The following CACNA1I variants were observed in gnomAD, a reference collection of about 807,000 sequenced individuals.
The protein encoded by CACNA1I is calcium voltage-gated channel subunit alpha1 I.
CACNA1I carries 74 observed loss-of-function variants against 201.6 expected under a neutral mutation model. The observed-to-expected ratio is 0.37, with a 90% CI of 0.30 to 0.45. The LOEUF (loss-of-function observed/expected upper bound fraction) is 0.45, where lower values mean the gene tolerates loss of function less well. CACNA1I is among the 20% of genes least tolerant of loss of function. CACNA1I has a pLI of 1.00. For missense variants in CACNA1I, 2,346 were observed against 3,138.1 expected (o/e 0.75, Z 6.03); for synonymous variants, 1,431 against 1,345.2 (o/e 1.06, Z -1.40).
At chr22:39,594,861 C>A (rs1932862088) in intron 1 of CACNA1I, among the ~76,000 whole-genome samples, 1 of 152,116 alleles carries the variant, frequency 6.6e-6, no homozygotes, top group African/African-American at 2.4e-5. Context: ...ATTCCAAGAC[C>A]CCCAGTGGAT....
At position 39,685,050 on chromosome 22, in the gene CACNA1I, G is replaced by T; in HGVS notation, c.6027+552G>T. ...GGGGTGGGGAAATGGGGCCGGGCCG[G>T]CTCCCACAGTGAGTGCAGTTGATTC... is the stretch of plus-strand genomic sequence containing the variant. On this transcript the variant is annotated intron_variant, in intron 36 of 36. Transcript: ENST00000402142. The surrounding 1 kb of genome is among the most constrained non-coding windows in gnomAD (Gnocchi z 5.0). 1 of 184,814 alleles carries T rather than the reference G, an allele frequency of 5.4e-6. No individual in the cohort carries two copies. The highest frequency in any genetic ancestry group is 5.4e-5 in the Admixed American group (1 of 18,556). The allele number at this position is 184,814 out of a possible 1,614,324, so 11.4% of individuals were successfully genotyped here. A position where few individuals can be genotyped will look rare whatever the true frequency, so the allele number is the denominator to read the frequency against.
intron 3 of CACNA1I, among the ~76,000 whole-genome samples, chr22:39,614,818 C>T (rs944707063): frequency 2.6e-5 from 4 of 152,228 alleles, no homozygotes; most frequent in Admixed American, 6.5e-5. Flanking sequence ...TCTGACCACA[C>T]GGGAGCCCCT....
chr22:39,684,219 G>A lies in CACNA1I; in HGVS notation c.5831-83G>A. On this transcript the variant is annotated intron_variant, in intron 35 of 36. Transcript: ENST00000402142. The surrounding 1 kb of genome is among the most constrained non-coding windows in gnomAD (Gnocchi z 4.6). ...TGGCCCCTCACTGCTGGCCCAGTGA[G>A]ATTGGTGCTCAATGCCACCTTCCAG... is the stretch of plus-strand genomic sequence containing the variant. 2 of 1,208,666 alleles carry A rather than the reference G, an allele frequency of 1.7e-6. No homozygotes were observed. Among genetic ancestry groups the A allele is most frequent in the Non-Finnish European group, 2.4e-6 (2 of 835,828 alleles). The allele number at this position is 1,208,666 out of a possible 1,614,324, so 74.9% of individuals were successfully genotyped here. A position where few individuals can be genotyped will look rare whatever the true frequency, so the allele number is the denominator to read the frequency against.
At position 39,660,334 on chromosome 22, in the gene CACNA1I, G is replaced by C; in HGVS notation, c.2605-10G>C. On this transcript the variant is annotated splice_polypyrimidine_tract_variant and intron_variant, in intron 14 of 36. Transcript: ENST00000402142. Reference sequence around the variant, plus strand: ...TGACCTGCATTCTAACGTGACGGATGCTCTCCCAGGGTGACGCCAATCGCT... The same window carrying C: ...TGACCTGCATTCTAACGTGACGGATCCTCTCCCAGGGTGACGCCAATCGCT... 6.2e-7 allele frequency: 1 copy of C among 1,607,908 alleles called. No homozygotes were observed. The highest frequency in any genetic ancestry group is 8.5e-7 in the Non-Finnish European group (1 of 1,176,232).
At chr22:39,639,098 A>G (rs946630663) in intron 5 of CACNA1I, among the ~76,000 whole-genome samples, 1 of 152,232 alleles carries the variant, frequency 6.6e-6, no homozygotes, top group African/African-American at 2.4e-5. Context: ...ACAGCAAACT[A>G]TGGCCTGTTT....
chr22:39,636,915 G>T (rs1441934515), intron 5 of CACNA1I, among the ~76,000 whole-genome samples: 1 of 152,250 alleles, frequency 6.6e-6, no homozygotes, highest in Non-Finnish European at 1.5e-5. Context: ...ACACGCACAG[G>T]TGGGAGATGG....
intron 3 of CACNA1I, among the ~76,000 whole-genome samples, chr22:39,614,604 G>T (rs1015506874): frequency 6.6e-6 from 1 of 152,246 alleles, no homozygotes; most frequent in African/African-American, 2.4e-5. Context: ...GCTCACCTGG[G>T]ATCACGTGCC....
rs145622390 is a variant in CACNA1I at position 39,625,289 on chromosome 22, C to T, written c.580+5882C>T. On this transcript the variant is annotated intron_variant, in intron 4 of 36. Transcript: ENST00000402142. ...CTAGAGAGCTGGTGATGGGCGCAGT[C>T]AAATGACGGGTTATTAATTGCAAAG... Among the ~76,000 whole-genome samples the T allele has an allele frequency of 2.5e-3, 385 of 152,302 alleles. 1 individual carries two copies. The highest frequency in any genetic ancestry group is 8.9e-3 in the African/African-American group (371 of 41,556).
intron 1 of CACNA1I, among the ~76,000 whole-genome samples, chr22:39,571,402 A>T (rs368364132): frequency 7.4e-6 from 1 of 134,972 alleles, no homozygotes; most frequent in African/African-American, 2.5e-5. Flanking sequence ...ATCCCAACAC[A>T]CAGGGCAGGA....
chr22:39,594,050 G>A (rs1871147541), intron 1 of CACNA1I, among the ~76,000 whole-genome samples: 1 of 152,130 alleles, frequency 6.6e-6, no homozygotes, highest in Non-Finnish European at 1.5e-5. Context: ...GGGGAGGGAG[G>A]AGAGCCATGG....
intron 3 of CACNA1I, among the ~76,000 whole-genome samples, chr22:39,613,204 G>A (rs932272712): frequency 6.7e-6 from 1 of 149,974 alleles, no homozygotes; most frequent in Non-Finnish European, 1.5e-5. Context: ...CTTTTTTTCT[G>A]ATCTTGTCCC....
At chr22:39,602,690 T>G (rs765396107) in intron 3 of CACNA1I, among the ~76,000 whole-genome samples, 8 of 152,156 alleles carry the variant, frequency 5.3e-5, no homozygotes, top group Non-Finnish European at 1.0e-4. Flanking sequence ...CATCCTGCCA[T>G]TCAAACCTAC....
Position 39,660,445 on chromosome 22 carries a change from G to A in CACNA1I, c.2698+8G>A. On this transcript the variant is annotated splice_region_variant and intron_variant, in intron 15 of 36. Transcript: ENST00000402142. The stretch of plus-strand genomic sequence containing the variant: ...GCCTGGACAGCAGCGGAGGTAAACA[G>A]GCCCTCGCTTGTCACCTAGAGAGCC... 1 of 1,603,972 alleles carries A rather than the reference G, an allele frequency of 6.2e-7. No homozygotes were observed. Among genetic ancestry groups the A allele is most frequent in the Non-Finnish European group, 8.5e-7 (1 of 1,173,844 alleles).
rs111876265 is a variant in CACNA1I, at chr22:39,680,611, C to T, written c.5542-319C>T. Among the ~76,000 whole-genome samples the T allele has an allele frequency of 3.1e-3, 473 of 152,278 alleles. 4 individuals carry two copies. Among genetic ancestry groups the T allele is most frequent in the African/African-American group, 0.011 (447 of 41,560 alleles). ...TGAGTCAAGTCCAGCCCAGTCTTGACGGGCACTTGGTCTGGGGGCAAGCAG... is the reference window on the plus strand; with the variant it reads ...TGAGTCAAGTCCAGCCCAGTCTTGATGGGCACTTGGTCTGGGGGCAAGCAG... On this transcript the variant is annotated intron_variant, in intron 33 of 36. Coordinates refer to ENST00000402142, the MANE Select transcript of CACNA1I (RefSeq NM_021096.4).
At chr22:39,604,568 G>A (rs568241275) in intron 3 of CACNA1I, among the ~76,000 whole-genome samples, 13 of 152,144 alleles carry the variant, frequency 8.5e-5, no homozygotes, top group Non-Finnish European at 1.6e-4. Flanking sequence ...GGTCCTGGCT[G>A]AGGGATAGAT....
At chr22:39,602,563 A>T (rs897290792) in intron 3 of CACNA1I, among the ~76,000 whole-genome samples, 1 of 151,332 alleles carries the variant, frequency 6.6e-6, no homozygotes, top group Non-Finnish European at 1.5e-5. Flanking sequence ...GTTTTTTTTT[A>T]AAAGAAAAGG....
intron 1 of CACNA1I, among the ~76,000 whole-genome samples, chr22:39,596,699 C>T (rs1932902378): frequency 6.6e-6 from 1 of 151,514 alleles, no homozygotes; most frequent in African/African-American, 2.4e-5. Flanking sequence ...CCCACTGCTG[C>T]TGCAGGAAGG....
At chr22:39,645,410 A>G (rs1285254898) in intron 7 of CACNA1I, among the ~76,000 whole-genome samples, 2 of 152,200 alleles carry the variant, frequency 1.3e-5, no homozygotes, top group Non-Finnish European at 2.9e-5. Flanking sequence ...CTGCAGAGGC[A>G]GGGGCGGGTA....
At chr22:39,626,657 C>T (rs1047069499) in intron 4 of CACNA1I, among the ~76,000 whole-genome samples, 3 of 151,878 alleles carry the variant, frequency 2.0e-5, no homozygotes, top group Non-Finnish European at 4.4e-5. Flanking sequence ...AGTGCAGTGG[C>T]GTGATCTCGG....
Sources: gnomAD v4.1 joint callset for allele counts (sites outside exome capture counted in the v4.1 genomes callset) on GRCh38, gnomAD v4.1.1 for gene constraint, Gnocchi (gnomAD v3.1) non-coding constraint, MANE v1.5 for transcripts, NCBI Gene and HGNC (gene_info 2026-07-23, HGNC 2026-07-21) for gene names.